Variants in TRABD2A observed in about 807,000 individuals in gnomAD.
TRABD2A encodes the protein metalloprotease TIKI1.
In TRABD2A, 43 loss-of-function variants were observed where a neutral mutation model predicts 45.6. The ratio of observed to expected loss-of-function variants is 0.94; its 90% CI spans 0.74 to 1.22. TRABD2A has a LOEUF of 1.22. Ranked by LOEUF, TRABD2A falls within the 50% of genes most tolerant of loss-of-function variation. The pLI is 0.00. For missense variants in TRABD2A, 642 were observed against 652.4 expected (o/e 0.98, Z 0.17); for synonymous variants, 269 against 265.0 (o/e 1.02, Z -0.15).
At chr2:84,833,423 T>G (rs1015234573) in intron 4 of TRABD2A, 1 of 152,242 alleles carries the variant, frequency 6.6e-6, no homozygotes, top group Non-Finnish European at 1.5e-5. Flanking sequence ...CAAGTGATTA[T>G]AGTTTCCACT....
chr2:84,878,110 T>C (rs1683085396), intron 1 of TRABD2A, among the ~76,000 whole-genome samples: 1 of 152,138 alleles, frequency 6.6e-6, no homozygotes, highest in Non-Finnish European at 1.5e-5. Context: ...TGATGTCACC[T>C]TTACGAGAGT....
intron 5 of TRABD2A, among the ~76,000 whole-genome samples, chr2:84,826,915 T>C (rs1418554509): frequency 6.6e-6 from 1 of 152,212 alleles, no homozygotes; most frequent in African/African-American, 2.4e-5. Flanking sequence ...GTAGAAAATA[T>C]AGAGAGTATA....
intron 6 of TRABD2A, among the ~76,000 whole-genome samples, chr2:84,822,766 T>C (rs911664526): frequency 4.6e-5 from 7 of 152,244 alleles, no homozygotes; most frequent in African/African-American, 1.2e-4. Context: ...CCAGGTCCCA[T>C]CTGGCTGCCA....
chr2:84,821,968 A>G lies in TRABD2A; in HGVS notation c.1467T>C (p.Pro489=). ...AAGCCAGCACCAGCACCCAGAACACAGGAGTCCAGAGAGACAGGCAGGCAC... is the reference window on the plus strand; with the variant it reads ...AAGCCAGCACCAGCACCCAGAACACGGGAGTCCAGAGAGACAGGCAGGCAC... ...ASSACLSLWT[P]VFWVLVLAFQ... is the part of the protein sequence containing the mutation. Residue 489 remains proline, a synonymous_variant, in exon 7 of 7, where the codon CCT becomes CCC. Coordinates refer to ENST00000409520, the MANE Select transcript of TRABD2A (RefSeq NM_001277053.2). 1 of 1,605,586 alleles carries G rather than the reference A, an allele frequency of 6.2e-7. No homozygotes were observed. Among genetic ancestry groups the G allele is most frequent in the Non-Finnish European group, 8.5e-7 (1 of 1,176,206 alleles).
At chr2:84,838,328 A>T in intron 4 of TRABD2A, 1 of 709,814 alleles carries the variant, frequency 1.4e-6, no homozygotes, top group Non-Finnish European at 2.6e-6. Flanking sequence ...TTCTTAAATA[A>T]ACACTTCTAG....
intron 1 of TRABD2A, among the ~76,000 whole-genome samples, chr2:84,879,186 T>C (rs559827923): frequency 8.4e-5 from 10 of 119,464 alleles, no homozygotes; most frequent in Admixed American, 7.4e-4. Context: ...TCAATACTTT[T>C]TTTTTTTTTT....
rs181778069 is a variant in TRABD2A, at chr2:84,877,811, C to T, written c.108+3121G>A. Among the ~76,000 whole-genome samples, 10 of 152,330 alleles carry T rather than the reference C, an allele frequency of 6.6e-5. No individual in the cohort carries two copies. The East Asian group carries it at 1.9e-3, about 29-fold the overall frequency. ...CTCCTCCCATCCTAGCATCCCTGGA[C>T]CTGCAATAACTGCACTTTTCCAAGA... On this transcript the variant is annotated intron_variant, in intron 1 of 6. Transcript: ENST00000409520.
intron 5 of TRABD2A, among the ~76,000 whole-genome samples, chr2:84,824,545 GC>G (rs1681097205): frequency 8.2e-6 from 1 of 121,722 alleles, no homozygotes; most frequent in Non-Finnish European, 1.6e-5. Flanking sequence ...GACAATTATA[GC>G]TTTTTTTTTT....
chr2:84,836,624 T>C (rs557921870), intron 4 of TRABD2A: 1 of 152,380 alleles, frequency 6.6e-6, no homozygotes, highest in East Asian at 1.9e-4. Flanking sequence ...ATATTCTTTT[T>C]ATTTCTTTCT....
In TRABD2A at chr2:84,821,900, C is replaced by T. The variant is rs1681010183; in HGVS notation, c.*17G>A. 6.4e-7 allele frequency: 1 copy of T among 1,564,628 alleles called. No individual in the cohort carries two copies. Among genetic ancestry groups the T allele is most frequent in the Non-Finnish European group, 8.7e-7 (1 of 1,154,312 alleles). ...CAAGTCCGAGGGGTCAGGTTCTTAG[C>T]CTGGTGCTTCCAGTCGTTACAGGAG... On this transcript the variant is annotated 3_prime_UTR_variant, in exon 7 of 7. Coordinates refer to ENST00000409520, the MANE Select transcript of TRABD2A (RefSeq NM_001277053.2).
At position 84,839,265 on chromosome 2, in the gene TRABD2A, A is replaced by ATCTCCTGAGCAGTGATGC. The variant is rs1447084031; in HGVS notation, c.857_874dup (p.Glu291_Ile292insSerIleThrAlaGlnGlu). 3 of 1,613,806 alleles carry ATCTCCTGAGCAGTGATGC rather than the reference A, an allele frequency of 1.9e-6. No homozygotes were observed. The highest frequency in any genetic ancestry group is 2.5e-6 in the Non-Finnish European group (3 of 1,179,890). On this transcript the variant is annotated inframe_insertion, in exon 4 of 7. Coordinates refer to ENST00000409520, the MANE Select transcript of TRABD2A (RefSeq NM_001277053.2). Reference sequence around the variant, plus strand: ...CAGCTCCCGGCGTAAGTAGCTGTCAATCTCCTGAGCAGTGATGCGCTCCTG... The same window carrying ATCTCCTGAGCAGTGATGC: ...CAGCTCCCGGCGTAAGTAGCTGTCAATCTCCTGAGCAGTGATGCTCTCCTGAGCAGTGATGCGCTCCTG...
At chr2:84,850,306 G>C (rs563991259) in intron 2 of TRABD2A, among the ~76,000 whole-genome samples, 2 of 152,130 alleles carry the variant, frequency 1.3e-5, no homozygotes, top group Non-Finnish European at 2.9e-5. Context: ...TAGCAGGATG[G>C]GTTTACAATT....
At chr2:84,863,644 C>T (rs1442164576) in intron 2 of TRABD2A, among the ~76,000 whole-genome samples, 3 of 128,886 alleles carry the variant, frequency 2.3e-5, no homozygotes, top group African/African-American at 8.9e-5. Flanking sequence ...CAGAGTCTCG[C>T]TCTGATGCCC....
intron 3 of TRABD2A, among the ~76,000 whole-genome samples, chr2:84,841,453 A>AGCTATATC (rs1681706986): frequency 1.3e-5 from 2 of 152,224 alleles, no homozygotes; most frequent in Admixed American, 6.5e-5. Context: ...GTGAATACAC[A>AGCTATATC]GCTATATCAT....
rs143512536 is a variant in TRABD2A, at chr2:84,878,731, A to C, written c.108+2201T>G. On this transcript the variant is annotated intron_variant, in intron 1 of 6. Transcript: ENST00000409520. ...AGGCTACAGTCCTGCAGAATCCTAT[A>C]GGGGCTGCTGCACTGGATTGGAGGC... Among the ~76,000 whole-genome samples, 4 of 152,290 alleles carry C rather than the reference A, an allele frequency of 2.6e-5. No homozygotes were observed. The East Asian group carries it at 7.7e-4, about 29-fold the overall frequency.
At chr2:84,879,021 C>G (rs1303169389) in intron 1 of TRABD2A, among the ~76,000 whole-genome samples, 1 of 152,092 alleles carries the variant, frequency 6.6e-6, no homozygotes, top group Non-Finnish European at 1.5e-5. Context: ...AGATATTTTC[C>G]TTTCACCCTC....
intron 2 of TRABD2A, among the ~76,000 whole-genome samples, chr2:84,861,857 ATG>A (rs1197342158): frequency 3.3e-5 from 5 of 152,346 alleles, no homozygotes; most frequent in Admixed American, 3.3e-4. Context: ...TGAGAGGCTA[ATG>A]AGGTCTCTCC....
chr2:84,875,959 C>A (rs1054437489), intron 1 of TRABD2A, among the ~76,000 whole-genome samples: 1 of 150,322 alleles, frequency 6.7e-6, no homozygotes, highest in African/African-American at 2.5e-5. Flanking sequence ...CACCACTGCA[C>A]TCCTGCCTGG....
chr2:84,837,681 C>A (rs907332727), intron 4 of TRABD2A: 2 of 152,336 alleles, frequency 1.3e-5, no homozygotes, highest in African/African-American at 4.8e-5. Context: ...GTTTCCCAAC[C>A]TTTGCAGAGG....
Sources: allele counts gnomAD v4.1 joint callset (sites outside exome capture counted in the v4.1 genomes callset), GRCh38; gene constraint gnomAD v4.1.1; transcripts MANE v1.5; gene names NCBI Gene and HGNC (gene_info 2026-07-23, HGNC 2026-07-21).